DLG2: variants seen among roughly 807,000 people sequenced by gnomAD.
DLG2 encodes discs large MAGUK scaffold protein 2.
Under a neutral mutation model 132.5 loss-of-function variants are expected in DLG2, and 45 were observed. The ratio of observed to expected loss-of-function variants is 0.34; its 90% CI spans 0.27 to 0.44. The LOEUF (loss-of-function observed/expected upper bound fraction) is 0.44. DLG2 is among the 20% of genes least tolerant of loss of function. The pLI, the probability that DLG2 is intolerant of heterozygous loss-of-function variation, is 1.00. For missense variants in DLG2, 1,045 were observed against 1,196.9 expected (o/e 0.87, Z 1.87); for synonymous variants, 424 against 419.6 (o/e 1.01, Z -0.13).
rs374981448 is a variant in DLG2, at chr11:85,457,243, G to A, written c.40+141414C>T. Among the ~76,000 whole-genome samples the A allele has an allele frequency of 2.5e-3, 373 of 148,060 alleles. 3 individuals are homozygous for A. The highest frequency in any genetic ancestry group is 3.9e-3 in the Non-Finnish European group (265 of 67,424). ...AGTCTCTTTTGTCTGAAATTAGGAC[G>A]TCAACCCCTGCTTTTCCATTTGCTT... On this transcript the variant is annotated intron_variant, in intron 3 of 27. Coordinates refer to ENST00000376104, the MANE Select transcript of DLG2 (RefSeq NM_001142699.3).
intron 17 of DLG2, among the ~76,000 whole-genome samples, chr11:83,818,064 T>A (rs1295295224): frequency 6.6e-6 from 1 of 152,188 alleles, no homozygotes; most frequent in Non-Finnish European, 1.5e-5. Flanking sequence ...AGTCTCCGTC[T>A]TTTCACTTTA....
chr11:83,515,977 G>A (rs971765685), intron 21 of DLG2, among the ~76,000 whole-genome samples: 2 of 152,182 alleles, frequency 1.3e-5, no homozygotes, highest in African/African-American at 4.8e-5. Context: ...GGTGTGGTGT[G>A]GTGCTGAAAA....
At chr11:83,562,397 C>A (rs923559766) in intron 19 of DLG2, among the ~76,000 whole-genome samples, 1 of 152,048 alleles carries the variant, frequency 6.6e-6, no homozygotes, top group Non-Finnish European at 1.5e-5. Flanking sequence ...ATAACTGACC[C>A]TGTGATGCCC....
chr11:85,422,426 C>T (rs1463658109), intron 3 of DLG2, among the ~76,000 whole-genome samples: 1 of 152,026 alleles, frequency 6.6e-6, no homozygotes, highest in Non-Finnish European at 1.5e-5. Context: ...AATTTGAAGA[C>T]CTTGTCTTCA....
intron 16 of DLG2, among the ~76,000 whole-genome samples, chr11:83,853,212 T>G (rs1442328464): frequency 6.6e-6 from 1 of 152,138 alleles, no homozygotes; most frequent in Non-Finnish European, 1.5e-5. Context: ...GGTCTTTCCA[T>G]GTATAGTCCT....
chr11:84,679,221 AAATAT>A (rs2099722682), intron 6 of DLG2, among the ~76,000 whole-genome samples: 1 of 152,140 alleles, frequency 6.6e-6, no homozygotes, highest in South Asian at 2.1e-4. Flanking sequence ...ATGCTGGAGA[AAATAT>A]AATAATAGAT....
At chr11:84,882,878 T>A (rs962121068) in intron 6 of DLG2, among the ~76,000 whole-genome samples, 1 of 152,170 alleles carries the variant, frequency 6.6e-6, no homozygotes, top group Admixed American at 6.6e-5. Flanking sequence ...AGAGGATGAC[T>A]AAATCCACAC....
At chr11:84,713,740 G>A (rs1221234036) in intron 6 of DLG2, among the ~76,000 whole-genome samples, 1 of 151,960 alleles carries the variant, frequency 6.6e-6, no homozygotes, top group Non-Finnish European at 1.5e-5. Flanking sequence ...CCATCATCAA[G>A]CATCTTAAAT....
chr11:83,626,103 A>G (rs1258886076), intron 19 of DLG2, among the ~76,000 whole-genome samples: 1 of 152,214 alleles, frequency 6.6e-6, no homozygotes, highest in Non-Finnish European at 1.5e-5. Context: ...CCAGTATTGA[A>G]TAATACTGAT....
chr11:84,326,927 T>A (rs1389092300), intron 7 of DLG2, among the ~76,000 whole-genome samples: 1 of 152,084 alleles, frequency 6.6e-6, no homozygotes, highest in African/African-American at 2.4e-5. Context: ...TTAACACTGT[T>A]ATATTTTCCT....
intron 18 of DLG2, among the ~76,000 whole-genome samples, chr11:83,750,743 G>A (rs2093249921): frequency 6.6e-6 from 1 of 151,848 alleles, no homozygotes; most frequent in African/African-American, 2.4e-5. Context: ...AAAACATATA[G>A]AATAAAAAAT....
At chr11:83,788,273 T>C (rs1206265571) in intron 17 of DLG2, among the ~76,000 whole-genome samples, 1 of 152,216 alleles carries the variant, frequency 6.6e-6, no homozygotes, top group African/African-American at 2.4e-5. Flanking sequence ...CCTCTCATAA[T>C]AACTTCGTTA....
At position 84,580,570 on chromosome 11, in the gene DLG2, C is replaced by G. The variant is rs188177812; in HGVS notation, c.358-45839G>C. 1.3e-3 allele frequency among the ~76,000 whole-genome samples: 195 copies of G among 152,294 alleles called. 3 individuals carry two copies. The highest frequency in any genetic ancestry group is 0.01 in the Admixed American group (157 of 15,296). On this transcript the variant is annotated intron_variant, in intron 6 of 27. Coordinates refer to ENST00000376104, the MANE Select transcript of DLG2 (RefSeq NM_001142699.3). ...TTCAAGAGGTCAACCTATAAGAATT[C>G]AACACACCTCCTAGCTGCGAGTAAA... is the stretch of plus-strand genomic sequence containing the variant.
At chr11:85,358,886 C>T (rs948536294) in intron 3 of DLG2, among the ~76,000 whole-genome samples, 1 of 152,128 alleles carries the variant, frequency 6.6e-6, no homozygotes, top group African/African-American at 2.4e-5. Flanking sequence ...AACAAAATGG[C>T]ATCTATTTCC....
At chr11:84,941,056 T>C (rs1316344898) in intron 6 of DLG2, among the ~76,000 whole-genome samples, 1 of 152,218 alleles carries the variant, frequency 6.6e-6, no homozygotes, top group African/African-American at 2.4e-5. Context: ...AATTTATTTC[T>C]GGGTTTTCTA....
chr11:84,831,816 T>A (rs1426494335), intron 6 of DLG2, among the ~76,000 whole-genome samples: 1 of 151,652 alleles, frequency 6.6e-6, no homozygotes, highest in Admixed American at 6.6e-5. Context: ...AAAATAATGT[T>A]TGAACTATTT....
At chr11:85,358,364 C>G (rs915404553) in intron 3 of DLG2, among the ~76,000 whole-genome samples, 1 of 152,174 alleles carries the variant, frequency 6.6e-6, no homozygotes, top group African/African-American at 2.4e-5. Flanking sequence ...ATAACACCCT[C>G]TACAAGCAGT....
intron 3 of DLG2, among the ~76,000 whole-genome samples, chr11:85,397,367 C>G (rs900190506): frequency 6.6e-6 from 1 of 152,064 alleles, no homozygotes; most frequent in Non-Finnish European, 1.5e-5. Flanking sequence ...GAAACTGCAT[C>G]AATTAACGGG....
intron 7 of DLG2, among the ~76,000 whole-genome samples, chr11:84,259,170 C>T (rs915225551): frequency 3.3e-5 from 5 of 149,868 alleles, no homozygotes; most frequent in African/African-American, 1.2e-4. Context: ...ACTTGGGAGG[C>T]TGAGGCAGGA....
Sources: gnomAD v4.1 joint callset for allele counts (sites outside exome capture counted in the v4.1 genomes callset) on GRCh38, gnomAD v4.1.1 for gene constraint, MANE v1.5 for transcripts, NCBI Gene and HGNC (gene_info 2026-07-23, HGNC 2026-07-21) for gene names.